The following POLR3F variants were observed in gnomAD, a reference collection of about 807,000 sequenced individuals.
POLR3F encodes the protein RNA polymerase III subunit F.
A neutral mutation model predicts 43.6 loss-of-function variants in POLR3F; 31 were observed. That is an observed-to-expected ratio of 0.71 (90% confidence interval 0.53 to 0.96). The LOEUF (loss-of-function observed/expected upper bound fraction) is 0.96, where lower values mean the gene tolerates loss of function less well. POLR3F is among the 40% of genes least tolerant of loss of function. The pLI is 0.00. For synonymous variants in POLR3F, 114 were observed against 132.5 expected, an observed-to-expected ratio of 0.86 and a Z score of 0.96; for missense variants, 316 against 391.7, an observed-to-expected ratio of 0.81 and a Z score of 1.63.
intron 1 of POLR3F, among the ~76,000 whole-genome samples, chr20:18,468,641 G>A (rs1168024489): frequency 2.0e-5 from 3 of 152,010 alleles, no homozygotes; most frequent in Non-Finnish European, 4.4e-5. Flanking sequence ...TATTACACCC[G>A]AGAAAACTGA....
chr20:18,480,450 A>G lies in POLR3F; in HGVS notation c.622A>G (p.Ser208Gly), dbSNP rs375033164. 2.0e-5 allele frequency: 32 copies of G among 1,612,700 alleles called. No individual in the cohort carries two copies. The highest frequency in any genetic ancestry group is 1.6e-4 in the Middle Eastern group (1 of 6,078). ...ACAGAACCCAATGATACAAAGAAAT[A>G]GTTCATTTGCCTCATCACATGAAGT... ...SKQNPMIQRNSSFASSHEVWK... is the reference protein window; with the variant it reads ...SKQNPMIQRNGSFASSHEVWK... Residue 208 changes from serine to glycine, a missense_variant, in exon 7 of 9, where the codon AGT (serine) becomes GGT (glycine). Physicochemically the swap from Ser to Gly is moderately conservative, Grantham distance 56. Around this residue, in one of 3 missense-constraint regions of POLR3F, gnomAD observed 109 missense variants for 177.7 expected, o/e 0.61. Transcript: ENST00000377603.
chr20:18,472,315 C>G (rs1350310549), intron 2 of POLR3F, among the ~76,000 whole-genome samples: 1 of 152,030 alleles, frequency 6.6e-6, no homozygotes, highest in Non-Finnish European at 1.5e-5. Flanking sequence ...TTCCATGTAG[C>G]CGGGACTACA....
At position 18,472,880 on chromosome 20, in the gene POLR3F, A is replaced by ACCC; in HGVS notation, c.219_220insCCC (p.Leu73_Tyr74insPro). 1 of 1,517,532 alleles carries ACCC rather than the reference A, an allele frequency of 6.6e-7. No individual in the cohort carries two copies. Among genetic ancestry groups the ACCC allele is most frequent in the East Asian group, 2.3e-5 (1 of 43,204 alleles). The allele number at this position is 1,517,532 out of a possible 1,614,324, so 94.0% of individuals were successfully genotyped here. On this transcript the variant is annotated inframe_insertion, in exon 3 of 9. Transcript: ENST00000377603. ...TCTTAAGGAGCAATACGGGCCTTTT[A>ACCC]TATAGAATAAAGGACTCTCAGAATG...
In POLR3F at chr20:18,481,762, AATC is replaced by A. The variant is rs774843549; in HGVS notation, c.829_831del (p.Ile277del). ...TGAAACTGTACAGGGCAGTCAATCC[AATC>A]ATCCCTCCCACAGGTTTGGTCCGGG... On this transcript the variant is annotated inframe_deletion, in exon 8 of 9. Transcript: ENST00000377603. The A allele has an allele frequency of 6.2e-7, 1 of 1,613,872 alleles. No homozygotes were observed.
At chr20:18,476,269 T>C (rs912447528) in intron 5 of POLR3F, among the ~76,000 whole-genome samples, 3 of 152,204 alleles carry the variant, frequency 2.0e-5, no homozygotes, top group African/African-American at 7.2e-5. Flanking sequence ...TCTCTTTCCA[T>C]AGGCCCTAAA....
intron 5 of POLR3F, among the ~76,000 whole-genome samples, chr20:18,477,213 A>G (rs887154022): frequency 6.6e-6 from 1 of 152,216 alleles, no homozygotes; most frequent in African/African-American, 2.4e-5. Context: ...ATTTTTCATT[A>G]GAGAACTGCA....
chr20:18,472,329 G>A (rs6045427), intron 2 of POLR3F, among the ~76,000 whole-genome samples: 23,694 of 151,848 alleles, frequency 0.16, 2,771 homozygotes, highest in African/African-American at 0.31. Context: ...GACTACAGGC[G>A]CATGCCACTG....
chr20:18,478,320 ATCCTCCCACCACAGCCT>A, intron 5 of POLR3F, among the ~76,000 whole-genome samples: 1 of 151,272 alleles, frequency 6.6e-6, no homozygotes, highest in East Asian at 1.9e-4. Context: ...GGCTCAAGCC[ATCCTCCCACCACAGCCT>A]TCCAAGTAGC....
At chr20:18,471,944 G>A (rs1018605317) in intron 2 of POLR3F, among the ~76,000 whole-genome samples, 4 of 152,054 alleles carry the variant, frequency 2.6e-5, no homozygotes, top group South Asian at 2.1e-4. Flanking sequence ...ATTGTGCCAC[G>A]GCACACCAGC....
intron 5 of POLR3F, among the ~76,000 whole-genome samples, chr20:18,478,820 C>T (rs2059793971): frequency 6.6e-6 from 1 of 152,082 alleles, no homozygotes; most frequent in Non-Finnish European, 1.5e-5. Flanking sequence ...GTCGTGGTTT[C>T]TATCATGCAA....
intron 8 of POLR3F, among the ~76,000 whole-genome samples, chr20:18,483,216 C>T (rs2059819813): frequency 6.6e-6 from 1 of 152,156 alleles, no homozygotes; most frequent in South Asian, 2.1e-4. Context: ...AGGTGCCTGC[C>T]ACCACGCTCA....
At chr20:18,481,507 G>A (rs2059809315) in intron 7 of POLR3F, 112 bp from the exon 8 acceptor site, 1 of 721,424 alleles carries the variant, frequency 1.4e-6, no homozygotes, top group East Asian at 2.6e-5. Context: ...CCAAAGTGCT[G>A]GGATTACAGG....
Position 18,483,833 on chromosome 20 carries a change from CT to C in POLR3F, c.*277del. 1 of 395,864 alleles carries C rather than the reference CT, an allele frequency of 2.5e-6. No individual in the cohort carries two copies. Among genetic ancestry groups the C allele is most frequent in the Non-Finnish European group, 4.4e-6 (1 of 225,832 alleles). The allele number at this position is 395,864 out of a possible 1,614,324, so 24.5% of individuals were successfully genotyped here. ...CTCCGGAGGACCACATCTTTCAAGACTTCTGATGGGTCAAGGAAAAAGATGC... is the reference window on the plus strand; with the variant it reads ...CTCCGGAGGACCACATCTTTCAAGACTCTGATGGGTCAAGGAAAAAGATGC... On this transcript the variant is annotated 3_prime_UTR_variant, in exon 9 of 9. Coordinates refer to ENST00000377603, the MANE Select transcript of POLR3F (RefSeq NM_006466.4).
At chr20:18,476,062 TTTAATA>T (rs1406309798) in intron 5 of POLR3F, among the ~76,000 whole-genome samples, 12 of 152,228 alleles carry the variant, frequency 7.9e-5, no homozygotes, top group Non-Finnish European at 1.8e-4. Context: ...CATCTTTATG[TTTAATA>T]ACAGCTCTGC....
chr20:18,467,638 C>A lies in POLR3F; in HGVS notation c.62+70C>A, dbSNP rs575858382. 12 of 1,609,558 alleles carry A rather than the reference C, an allele frequency of 7.5e-6. No homozygotes were observed. The African/African-American group carries it at 1.5e-4, about 20-fold the overall frequency. On this transcript the variant is annotated intron_variant, in intron 1 of 8. Transcript: ENST00000377603. ...TCATTTGGGCAGCTGGACCCCTTCT[C>A]CGGGATCCCTTGGGAGTGGCCGGAG...
rs4264617 is a variant in POLR3F at position 18,467,454 on chromosome 20, C to G, written c.-53C>G. The G allele has an allele frequency of 0.021, 33,456 of 1,602,528 alleles. 1,002 individuals are homozygous for G. Among genetic ancestry groups the G allele is most frequent in the African/African-American group, 0.11 (8,236 of 74,816 alleles). On this transcript the variant is annotated 5_prime_UTR_variant, in exon 1 of 9. Transcript: ENST00000377603. ...CTGGTTCCCCGGGTTCCCCGGCTTG[C>G]TACCGGGCTGCTCCGTGCATCTTTC...
intron 5 of POLR3F, 52 bp downstream of exon 5, chr20:18,475,239 T>C: frequency 1.4e-6 from 1 of 719,750 alleles, no homozygotes; most frequent in East Asian, 2.6e-5. Context: ...TTCAAGTTTT[T>C]ATTCTTGAAG....
In POLR3F at chr20:18,467,444, C is replaced by G. The variant is rs2059695317; in HGVS notation, c.-63C>G. ...CTATCCTCCACTGGTTCCCCGGGTTCCCCGGCTTGCTACCGGGCTGCTCCG... is the reference window on the plus strand; with the variant it reads ...CTATCCTCCACTGGTTCCCCGGGTTGCCCGGCTTGCTACCGGGCTGCTCCG... On this transcript the variant is annotated 5_prime_UTR_variant, in exon 1 of 9. Transcript: ENST00000377603. The G allele has an allele frequency of 1.3e-6, 2 of 1,580,136 alleles. No individual in the cohort carries two copies. The highest frequency in any genetic ancestry group is 2.7e-5 in the African/African-American group (2 of 74,380).
At chr20:18,471,812 A>G (rs562014018) in intron 2 of POLR3F, among the ~76,000 whole-genome samples, 33 of 152,324 alleles carry the variant, frequency 2.2e-4, no homozygotes, top group African/African-American at 7.2e-4. Flanking sequence ...GCCTAACCCT[A>G]TCTCTACTAA....
Sources: allele counts gnomAD v4.1 joint callset (sites outside exome capture counted in the v4.1 genomes callset), GRCh38; gene constraint gnomAD v4.1.1; regional missense constraint gnomAD v4.1.1; transcripts MANE v1.5; gene names NCBI Gene and HGNC (gene_info 2026-07-23, HGNC 2026-07-21).